The following PRKAR1A variants were observed in gnomAD, a reference collection of about 807,000 sequenced individuals.
PRKAR1A encodes protein kinase cAMP-dependent type I regulatory subunit alpha, also known as cAMP-dependent protein kinase type I-alpha regulatory subunit.
In PRKAR1A, 3 loss-of-function variants were observed where a neutral mutation model predicts 52.0. That is an observed-to-expected ratio of 0.06 (90% confidence interval 0.03 to 0.15). The LOEUF (loss-of-function observed/expected upper bound fraction) is 0.15. PRKAR1A is among the 10% of genes least tolerant of loss of function. PRKAR1A has a pLI of 1.00. For missense variants in PRKAR1A, 240 were observed against 477.4 expected (o/e 0.50, Z 4.63); for synonymous variants, 188 against 168.4 (o/e 1.12, Z -0.90).
the PRKAR1A span, chr17:68,429,892 G>A: frequency 6.4e-7 from 1 of 1,550,624 alleles, no homozygotes; most frequent in Non-Finnish European, 8.8e-7. Context: ...CCCAGCCTGG[G>A]GCAAGTTTTC....
At chr17:68,542,774 C>T in intron 11 of PRKAR1A, 2 of 1,614,138 alleles carry the variant, frequency 1.2e-6, no homozygotes, top group Non-Finnish European at 1.7e-6. Context: ...TACTATCCTC[C>T]CCACTGTTGG....
the PRKAR1A span, among the ~76,000 whole-genome samples, chr17:68,467,576 G>A: frequency 6.6e-6 from 1 of 152,174 alleles, no homozygotes; most frequent in African/African-American, 2.4e-5. Flanking sequence ...CTGAGTCAAA[G>A]CCCTACTGTA....
At chr17:68,495,962 C>T in the PRKAR1A span, among the ~76,000 whole-genome samples, 1 of 70,164 alleles carries the variant, frequency 1.4e-5, no homozygotes. Flanking sequence ...TTCCTCTCCT[C>T]TCTCCTCTCC....
At chr17:68,443,940 T>C in the PRKAR1A span, among the ~76,000 whole-genome samples, 1 of 152,210 alleles carries the variant, frequency 6.6e-6, no homozygotes, top group Non-Finnish European at 1.5e-5. Context: ...ATCCAAACCA[T>C]TCCTCTTCTT....
At chr17:68,457,602 G>GCCCC in the PRKAR1A span, 4 of 334,394 alleles carry the variant, frequency 1.2e-5, no homozygotes, top group East Asian at 1.3e-4. Context: ...TCCCCGCCGC[G>GCCCC]TCCCCGGCTT....
exon 12 of PRKAR1A, chr17:68,551,202 C>A: frequency 1.8e-6 from 2 of 1,090,104 alleles, no homozygotes; most frequent in Non-Finnish European, 2.3e-6. Context: ...AAACTCACAC[C>A]AAGCTCTGTC....
intron 7 of PRKAR1A, 170 bp from the exon 8 acceptor site, chr17:68,527,670 C>A: frequency 1.7e-6 from 1 of 588,946 alleles, no homozygotes; most frequent in Non-Finnish European, 3.0e-6. Flanking sequence ...CATTCATTAC[C>A]TGTAAAATAA....
chr17:68,525,522 C>T lies in PRKAR1A; in HGVS notation c.550-232C>T, dbSNP rs75472577. On this transcript the variant is annotated intron_variant, in intron 6 of 10. Coordinates refer to ENST00000589228, the MANE Select transcript of PRKAR1A (RefSeq NM_002734.5). ...CTGACCTTTTTCCCTTACATCCTTA[C>T]AGAGTGCTTTTTTCTTATCAGATAA... Among the ~76,000 whole-genome samples the T allele has an allele frequency of 6.6e-5, 10 of 152,280 alleles. No individual in the cohort carries two copies. The East Asian group carries it at 1.9e-3, about 29-fold the overall frequency.
At chr17:68,527,486 T>G in intron 7 of PRKAR1A, 1 of 220,076 alleles carries the variant, frequency 4.5e-6, no homozygotes, top group Non-Finnish European at 9.3e-6. Flanking sequence ...AAATTGGACA[T>G]TGGTTTAAAG....
chr17:68,443,585 C>T, the PRKAR1A span, among the ~76,000 whole-genome samples: 2 of 152,138 alleles, frequency 1.3e-5, no homozygotes, highest in Non-Finnish European at 2.9e-5. Context: ...TAATTCTCAG[C>T]CAACCCTGGG....
At chr17:68,472,488 T>C in the PRKAR1A span, among the ~76,000 whole-genome samples, 1 of 152,208 alleles carries the variant, frequency 6.6e-6, no homozygotes, top group Non-Finnish European at 1.5e-5. Context: ...AACGTAGGGT[T>C]TCCTGTCCAA....
chr17:68,450,904 G>A, the PRKAR1A span: 8 of 1,610,054 alleles, frequency 5.0e-6, no homozygotes, highest in Non-Finnish European at 5.9e-6. Flanking sequence ...TCATCTGGGA[G>A]GAAAAGCAGC....
the PRKAR1A span, among the ~76,000 whole-genome samples, chr17:68,429,736 G>A: frequency 0.6 from 91,286 of 151,806 alleles, 28,844 homozygotes; most frequent in Non-Finnish European, 0.69. Flanking sequence ...CTACAGGCAC[G>A]CACCACCATA....
chr17:68,444,632 C>A, the PRKAR1A span: 19 of 1,538,014 alleles, frequency 1.2e-5, no homozygotes, highest in East Asian at 4.1e-4. Flanking sequence ...CCGTTCCTTA[C>A]AAAGACCCTG....
At chr17:68,478,369 T>A in the PRKAR1A span, among the ~76,000 whole-genome samples, 288 of 152,268 alleles carry the variant, frequency 1.9e-3, 5 homozygotes, top group East Asian at 0.036. Flanking sequence ...GGGGAATCAC[T>A]TGAACCTGAG....
At chr17:68,472,596 C>T in the PRKAR1A span, among the ~76,000 whole-genome samples, 13 of 152,098 alleles carry the variant, frequency 8.5e-5, no homozygotes, top group Non-Finnish European at 1.6e-4. Context: ...AAGAGTGATG[C>T]GTGAGCATCA....
chr17:68,420,588 A>G, the PRKAR1A span: 3 of 1,129,462 alleles, frequency 2.7e-6, no homozygotes, highest in Admixed American at 4.2e-5. Context: ...TTTTGGAGTT[A>G]GCCTTGCATA....
At chr17:68,496,252 G>A in the PRKAR1A span, among the ~76,000 whole-genome samples, 1 of 150,996 alleles carries the variant, frequency 6.6e-6, no homozygotes, top group South Asian at 2.1e-4. Flanking sequence ...ATGTTGGCCA[G>A]GCTGGTCTTG....
chr17:68,439,085 A>C, the PRKAR1A span, among the ~76,000 whole-genome samples: 1 of 152,188 alleles, frequency 6.6e-6, no homozygotes, highest in African/African-American at 2.4e-5. Context: ...CAGTTCTTCA[A>C]AAGCTAAACA....
Sources: allele counts gnomAD v4.1 joint callset (sites outside exome capture counted in the v4.1 genomes callset), GRCh38; gene constraint gnomAD v4.1.1; transcripts MANE v1.5; gene names NCBI Gene and HGNC (gene_info 2026-07-23, HGNC 2026-07-21).